SLC4A4: variants seen among roughly 807,000 people sequenced by gnomAD.
SLC4A4 encodes the protein electrogenic sodium bicarbonate cotransporter 1.
A neutral mutation model predicts 111.5 loss-of-function variants in SLC4A4; 27 were observed. That is an observed-to-expected ratio of 0.24 (90% CI 0.18 to 0.33). The LOEUF is 0.33. Ranked by LOEUF, SLC4A4 falls within the 10% of genes least tolerant of loss-of-function variation. The probability of loss-of-function intolerance (pLI) is 1.00; values close to 1 mark genes in which losing one functional copy is unlikely to be tolerated. For synonymous variants in SLC4A4, 443 were observed against 463.4 expected (o/e 0.96, Z 0.57); for missense variants, 909 against 1,315.5 (o/e 0.69, Z 4.78).
At chr4:71,448,956 T>C (rs1301671980) in intron 9 of SLC4A4, among the ~76,000 whole-genome samples, 4 of 152,250 alleles carry the variant, frequency 2.6e-5, no homozygotes, top group African/African-American at 9.6e-5. Flanking sequence ...GCATTCATTT[T>C]ATTTTTTGCA....
At chr4:71,541,658 G>A (rs894001325) in intron 18 of SLC4A4, among the ~76,000 whole-genome samples, 1 of 151,838 alleles carries the variant, frequency 6.6e-6, no homozygotes, top group African/African-American at 2.4e-5. Context: ...TGGGCTTGAT[G>A]GGGTCAGAAC....
At chr4:71,482,108 C>A (rs1010755465) in intron 14 of SLC4A4, among the ~76,000 whole-genome samples, 1 of 151,634 alleles carries the variant, frequency 6.6e-6, no homozygotes, top group African/African-American at 2.4e-5. Context: ...CAAATGGTAA[C>A]CAACGGTTCT....
chr4:71,115,940 G>T (rs2148954038), intron 2 of SLC4A4, among the ~76,000 whole-genome samples: 1 of 152,126 alleles, frequency 6.6e-6, no homozygotes, highest in South Asian at 2.1e-4. Context: ...TGTTGCCCAG[G>T]CTGGAGTGCA....
intron 6 of SLC4A4, among the ~76,000 whole-genome samples, chr4:71,366,700 A>T (rs896247565): frequency 1.3e-5 from 2 of 152,184 alleles, no homozygotes; most frequent in South Asian, 2.1e-4. Flanking sequence ...TAGACAAGGC[A>T]TACATAATAT....
At chr4:71,147,012 C>T (rs1295346400) in intron 2 of SLC4A4, among the ~76,000 whole-genome samples, 7 of 152,104 alleles carry the variant, frequency 4.6e-5, no homozygotes, top group Non-Finnish European at 1.0e-4. Flanking sequence ...TGCAGAGACA[C>T]ACATAGGCTC....
chr4:71,451,674 T>G (rs1725776791), intron 11 of SLC4A4, among the ~76,000 whole-genome samples: 1 of 151,512 alleles, frequency 6.6e-6, no homozygotes, highest in South Asian at 2.1e-4. Context: ...CTACAGGAGG[T>G]GGGAGACAGA....
At chr4:71,470,554 A>G (rs143585069) in intron 13 of SLC4A4, among the ~76,000 whole-genome samples, 126 of 152,158 alleles carry the variant, frequency 8.3e-4, no homozygotes, top group African/African-American at 2.8e-3. Context: ...TGTTGGATAA[A>G]TGATTTAACT....
chr4:71,491,138 T>C (rs1729865609), intron 15 of SLC4A4, among the ~76,000 whole-genome samples: 1 of 151,866 alleles, frequency 6.6e-6, no homozygotes, highest in Non-Finnish European at 1.5e-5. Flanking sequence ...TTTATCTTGA[T>C]GTCTTATAAT....
intron 2 of SLC4A4, among the ~76,000 whole-genome samples, chr4:71,107,325 C>G (rs975227096): frequency 6.6e-6 from 1 of 151,998 alleles, no homozygotes; most frequent in Admixed American, 6.6e-5. Flanking sequence ...TTACTGTCTT[C>G]TTCTGTGTTT....
At chr4:71,226,700 T>C (rs1038279266) in intron 1 of SLC4A4, among the ~76,000 whole-genome samples, 10 of 152,122 alleles carry the variant, frequency 6.6e-5, no homozygotes, top group African/African-American at 2.4e-4. Flanking sequence ...ATTGGAAATT[T>C]GCTTGTTTAT....
chr4:71,493,649 T>C (rs4355358), intron 15 of SLC4A4, among the ~76,000 whole-genome samples: 108,132 of 150,798 alleles, frequency 0.72, 39,718 homozygotes, highest in Non-Finnish European at 0.82. Context: ...CTCTCTGTCT[T>C]TCTCTCTCTC....
intron 2 of SLC4A4, among the ~76,000 whole-genome samples, chr4:71,103,684 C>T (rs1223541708): frequency 2.6e-5 from 4 of 151,954 alleles, no homozygotes; most frequent in Admixed American, 1.3e-4. Context: ...GGATACATAA[C>T]GAAATGAAGG....
Position 71,255,332 on chromosome 4 carries a change from G to T in SLC4A4, c.186G>T (p.Glu62Asp), listed in dbSNP as rs764607132. 9 of 1,613,460 alleles carry T rather than the reference G, an allele frequency of 5.6e-6. No homozygotes were observed. Among genetic ancestry groups the T allele is most frequent in the African/African-American group, 1.3e-5 (1 of 74,858 alleles). The change falls in exon 3 of 26, where the codon GAG becomes GAT. Residue 62 changes from glutamate to aspartate, a missense_variant. Glu to Asp is a conservative substitution (Grantham distance 45). This residue lies in a region of SLC4A4 where 117 missense variants were observed against 154.2 expected (regional missense o/e 0.76). Transcript: ENST00000264485. ...AGAAGGAAAAGGAGAGAATCTCTGA[G>T]AACTACTCTGACAAATCAGATATTG... ...KEKKEKERIS[E>D]NYSDKSDIEN...
intron 1 of SLC4A4, among the ~76,000 whole-genome samples, chr4:71,228,573 A>G (rs1719195625): frequency 6.6e-6 from 1 of 152,238 alleles, no homozygotes; most frequent in Non-Finnish European, 1.5e-5. Flanking sequence ...TTCTAAGCTT[A>G]CACACAAAGT....
chr4:71,448,924 CA>C (rs1725509574), intron 9 of SLC4A4, among the ~76,000 whole-genome samples: 2 of 152,264 alleles, frequency 1.3e-5, no homozygotes, highest in South Asian at 4.1e-4. Context: ...TTCAAGGGAA[CA>C]TTTATTTTAT....
At chr4:71,188,197 G>A (rs971871312) in intron 1 of SLC4A4, among the ~76,000 whole-genome samples, 6 of 152,182 alleles carry the variant, frequency 3.9e-5, no homozygotes, top group Non-Finnish European at 8.8e-5. Flanking sequence ...ACCGCAGCAA[G>A]CACCATAAAG....
At chr4:71,268,635 G>A (rs1340472061) in intron 3 of SLC4A4, among the ~76,000 whole-genome samples, 1 of 152,198 alleles carries the variant, frequency 6.6e-6, no homozygotes, top group African/African-American at 2.4e-5. Context: ...TGAAGTCTGT[G>A]ATCAGGAAAT....
At position 71,547,718 on chromosome 4, in the gene SLC4A4, A is replaced by G; in HGVS notation, c.2692A>G (p.Lys898Glu). The G allele has an allele frequency of 6.2e-7, 1 of 1,610,058 alleles. No individual in the cohort carries two copies. Residue 898 changes from lysine (K) to glutamate (E), a missense_variant and splice_region_variant, in exon 20 of 26, where the codon AAG becomes GAG. Coordinates refer to ENST00000264485, the MANE Select transcript of SLC4A4 (RefSeq NM_001098484.3). Reference sequence around the variant, plus strand: ...GTCAGTCTTTATGGCTCCCATCTTGAAGGTAAATATGTGAAACATTCACCT... The same window carrying G: ...GTCAGTCTTTATGGCTCCCATCTTGGAGGTAAATATGTGAAACATTCACCT... ...GLSVFMAPIL[K>E]FIPMPVLYGV... is the part of the protein sequence containing the mutation.
Position 71,497,626 on chromosome 4 carries a change from C to A in SLC4A4, c.2100C>A (p.Phe700Leu). 1 of 1,613,690 alleles carries A rather than the reference C, an allele frequency of 6.2e-7. No individual in the cohort carries two copies. The highest frequency in any genetic ancestry group is 8.5e-7 in the Non-Finnish European group (1 of 1,179,762). Residue 700 changes from phenylalanine (F) to leucine (L), a missense_variant, in exon 16 of 26, where the codon TTC (phenylalanine) becomes TTA (leucine). Physicochemically the swap from Phe to Leu is conservative, Grantham distance 22 (BLOSUM62 0). Around this residue, in one of 7 missense-constraint regions of SLC4A4, gnomAD observed 264 missense variants for 356.8 expected, o/e 0.74. Transcript: ENST00000264485. ...PDITLMSFIL[F>L]LGTYTSSMAL... Reference sequence around the variant, plus strand: ...TCACACTCATGTCTTTTATCCTCTTCTTGGGAACCTACACCTCTTCCATGG... The same window carrying A: ...TCACACTCATGTCTTTTATCCTCTTATTGGGAACCTACACCTCTTCCATGG...
Sources: allele counts gnomAD v4.1 joint callset (sites outside exome capture counted in the v4.1 genomes callset), GRCh38; gene constraint gnomAD v4.1.1; regional missense constraint gnomAD v4.1.1; transcripts MANE v1.5; gene names NCBI Gene and HGNC (gene_info 2026-07-23, HGNC 2026-07-21).